Variants in MAP3K7CL observed in about 807,000 individuals in gnomAD.
The protein encoded by MAP3K7CL is MAP3K7 C-terminal-like protein.
A neutral mutation model predicts 18.6 loss-of-function variants in MAP3K7CL; 16 were observed. The ratio of observed to expected loss-of-function variants is 0.86; its 90% CI spans 0.58 to 1.31. MAP3K7CL has a LOEUF of 1.31. Ranked by LOEUF, MAP3K7CL falls within the 50% of genes most tolerant of loss-of-function variation. MAP3K7CL has a pLI of 0.00. For synonymous variants in MAP3K7CL, 65 were observed against 66.8 expected, an observed-to-expected ratio of 0.97 and a Z score of 0.13; for missense variants, 163 against 174.4, an observed-to-expected ratio of 0.93 and a Z score of 0.37.
chr21:29,097,719 G>C (rs1348118761), intron 4 of MAP3K7CL, among the ~76,000 whole-genome samples: 1 of 152,040 alleles, frequency 6.6e-6, no homozygotes, highest in Non-Finnish European at 1.5e-5. Context: ...AACATGCAAA[G>C]ATATAATTTA....
At chr21:29,134,338 G>A (rs2086839286) in intron 2 of MAP3K7CL, among the ~76,000 whole-genome samples, 1 of 151,984 alleles carries the variant, frequency 6.6e-6, no homozygotes, top group Non-Finnish European at 1.5e-5. Flanking sequence ...GGGCAACACA[G>A]GCAGACCTCA....
upstream of MAP3K7CL, chr21:29,084,968 C>T (rs2085898833): frequency 6.6e-6 from 1 of 152,200 alleles, no homozygotes; most frequent in South Asian, 2.1e-4. Flanking sequence ...TGCACAGTGA[C>T]TTATCTCAAG....
chr21:29,101,607 A>G (rs2086231667), intron 4 of MAP3K7CL, among the ~76,000 whole-genome samples: 1 of 152,010 alleles, frequency 6.6e-6, no homozygotes, highest in African/African-American at 2.4e-5. Flanking sequence ...ACGTGGTTTC[A>G]CTGTGTTAGC....
chr21:29,171,806 CAAAAAAAA>C (rs34411156), intron 4 of MAP3K7CL, among the ~76,000 whole-genome samples: 1 of 83,190 alleles, frequency 1.2e-5, no homozygotes, highest in Non-Finnish European at 2.3e-5. Context: ...GACTCCATCT[CAAAAAAAA>C]AAAAAAAAAA....
intron 4 of MAP3K7CL, among the ~76,000 whole-genome samples, chr21:29,123,056 T>C (rs2086622932): frequency 4.3e-5 from 1 of 23,426 alleles, no homozygotes; most frequent in South Asian, 8.4e-4. Context: ...AGAAATGATC[T>C]TTTTTTTTTT....
chr21:29,086,998 C>T (rs1281445228), intron 1 of MAP3K7CL, among the ~76,000 whole-genome samples: 1 of 152,204 alleles, frequency 6.6e-6, no homozygotes, highest in Non-Finnish European at 1.5e-5. Context: ...ACCAGTTCCT[C>T]TAAGGAGTGG....
chr21:29,108,090 A>T (rs1439330280), intron 4 of MAP3K7CL, among the ~76,000 whole-genome samples: 1 of 152,208 alleles, frequency 6.6e-6, no homozygotes, highest in African/African-American at 2.4e-5. Flanking sequence ...ATTGTTATTG[A>T]TTAAATGTCT....
intron 1 of MAP3K7CL, among the ~76,000 whole-genome samples, chr21:29,086,132 A>T (rs1465040025): frequency 6.6e-6 from 1 of 152,222 alleles, no homozygotes; most frequent in African/African-American, 2.4e-5. Context: ...TTCCCTTAAT[A>T]CAAAACCAAT....
At position 29,139,465 on chromosome 21, in the gene MAP3K7CL, G is replaced by C. The variant is rs146010809; in HGVS notation, c.70+6051G>C. 3 of 152,288 alleles carry C rather than the reference G, an allele frequency of 2.0e-5. No individual in the cohort carries two copies. The East Asian group carries it at 5.8e-4, about 29-fold the overall frequency. 9.4% of individuals were successfully genotyped at this position (152,288 alleles called of 1,614,324 possible). On this transcript the variant is annotated intron_variant, in intron 2 of 4. Transcript: ENST00000399928. Reference sequence around the variant, plus strand: ...ATTCCCCTTGTCCTCCTCAGGATCCGAAGTAATCTTCGGATCTAGTAATCT... The same window carrying C: ...ATTCCCCTTGTCCTCCTCAGGATCCCAAGTAATCTTCGGATCTAGTAATCT...
intron 3 of MAP3K7CL, among the ~76,000 whole-genome samples, chr21:29,158,818 A>G (rs748423226): frequency 5.9e-5 from 9 of 152,116 alleles, no homozygotes; most frequent in Non-Finnish European, 1.2e-4. Flanking sequence ...CTATTTCACA[A>G]TAAACTGATA....
upstream of MAP3K7CL, among the ~76,000 whole-genome samples, chr21:29,128,460 G>A (rs909505905): frequency 3.3e-5 from 5 of 151,864 alleles, no homozygotes; most frequent in Admixed American, 6.6e-5. Context: ...CCACCACCAC[G>A]CCCGGCTAAT....
At chr21:29,087,816 A>C (rs958430990) in intron 1 of MAP3K7CL, among the ~76,000 whole-genome samples, 16 of 151,700 alleles carry the variant, frequency 1.1e-4, no homozygotes, top group African/African-American at 3.9e-4. Flanking sequence ...GATGGTCTCG[A>C]TCTCCTGACC....
chr21:29,113,932 G>T (rs1568942987), intron 4 of MAP3K7CL, among the ~76,000 whole-genome samples: 1 of 152,160 alleles, frequency 6.6e-6, no homozygotes, highest in Non-Finnish European at 1.5e-5. Context: ...GAAGGAGTGT[G>T]CTTGGTTTAG....
intron 3 of MAP3K7CL, among the ~76,000 whole-genome samples, chr21:29,153,725 A>C (rs1306680466): frequency 6.6e-6 from 1 of 152,190 alleles, no homozygotes; most frequent in African/African-American, 2.4e-5. Context: ...CTGAGATTAC[A>C]GATGTGAACC....
At chr21:29,114,806 A>T (rs9975695) in intron 4 of MAP3K7CL, among the ~76,000 whole-genome samples, 2 of 152,148 alleles carry the variant, frequency 1.3e-5, no homozygotes, top group African/African-American at 4.8e-5. Flanking sequence ...ATTAATGGGA[A>T]TGTCTACATT....
upstream of MAP3K7CL, chr21:29,127,870 G>A (rs1407029540): frequency 1.3e-5 from 2 of 152,216 alleles, no homozygotes; most frequent in Non-Finnish European, 2.9e-5. Context: ...CAGTATCATA[G>A]AAGGCAATAT....
chr21:29,082,866 A>C (rs575084398), upstream of MAP3K7CL, among the ~76,000 whole-genome samples: 1 of 152,004 alleles, frequency 6.6e-6, no homozygotes, highest in East Asian at 1.9e-4. Context: ...ACTGGGATCA[A>C]TTTACCTTGC....
intron 1 of MAP3K7CL, among the ~76,000 whole-genome samples, chr21:29,080,335 T>C (rs1462941786): frequency 2.6e-5 from 4 of 152,206 alleles, no homozygotes; most frequent in Non-Finnish European, 4.4e-5. Flanking sequence ...CATGTGAGGA[T>C]TGGAAGGTGG....
intron 3 of MAP3K7CL, chr21:29,092,304 C>CTCCAGTTTATAGGA: frequency 7.7e-6 from 8 of 1,042,676 alleles, no homozygotes; most frequent in East Asian, 2.5e-5. Flanking sequence ...CAGATTTAAA[C>CTCCAGTTTATAGGA]CATTAACAAC....
Sources: gnomAD v4.1 joint callset for allele counts (sites outside exome capture counted in the v4.1 genomes callset) on GRCh38, gnomAD v4.1.1 for gene constraint, MANE v1.5 for transcripts, NCBI Gene and HGNC (gene_info 2026-07-23, HGNC 2026-07-21) for gene names.